Variants in HUWE1 observed in about 807,000 individuals in gnomAD.
HUWE1 encodes HECT, UBA and WWE domain containing E3 ubiquitin protein ligase 1.
HUWE1 carries 18 observed loss-of-function variants against 299.4 expected under a neutral mutation model. That is an observed-to-expected ratio of 0.06 (90% CI 0.04 to 0.09). The LOEUF (loss-of-function observed/expected upper bound fraction) is 0.09. Among genes scored for constraint, HUWE1 ranks in the 10% least tolerant of loss-of-function variants. HUWE1 has a pLI of 1.00. For synonymous variants in HUWE1, 1,317 were observed against 1,286.1 expected, an observed-to-expected ratio of 1.02 and a Z score of -0.51; for missense variants, 1,832 against 3,462.3, an observed-to-expected ratio of 0.53 and a Z score of 11.82.
intron 7 of HUWE1, among the ~76,000 whole-genome samples, chrX:53,638,498 A>G (rs1208038813): frequency 8.9e-6 from 1 of 112,283 alleles, no homozygotes; most frequent in Non-Finnish European, 1.9e-5. Context: ...ACTACCTCAC[A>G]CTAGACAGGA....
At chrX:53,625,014 C>T in intron 18 of HUWE1, 143 bp downstream of exon 18, 2 of 489,877 alleles carry the variant, frequency 4.1e-6, no homozygotes, top group Non-Finnish European at 7.3e-6. Flanking sequence ...AAAAGTGACA[C>T]AAAACAACTA....
At chrX:53,563,628 G>A (rs782541740) in intron 52 of HUWE1, 118 bp downstream of exon 52, 11 of 775,108 alleles carry the variant, frequency 1.4e-5, no homozygotes, top group Admixed American at 2.6e-5. Flanking sequence ...GACAAGCAGC[G>A]ATCTAGGCTG....
At chrX:53,646,776 G>A (rs1260353271) in intron 6 of HUWE1, among the ~76,000 whole-genome samples, 5 of 111,761 alleles carry the variant, frequency 4.5e-5, no homozygotes, top group African/African-American at 1.6e-4. Flanking sequence ...AAAATTAACA[G>A]GGCACCTAAC....
intron 53 of HUWE1, 106 bp from the exon 54 acceptor site, chrX:53,562,350 T>C (rs2062335295): frequency 4.9e-6 from 5 of 1,012,332 alleles, no homozygotes; most frequent in East Asian, 3.3e-5. Context: ...TCTGACTCTA[T>C]GAGAGGAAGA....
At chrX:53,539,231 A>G (rs1374988570) in intron 75 of HUWE1, 151 bp from the exon 76 acceptor site, 2 of 626,054 alleles carry the variant, frequency 3.2e-6, no homozygotes, top group Non-Finnish European at 4.8e-6. Context: ...CTATGATCCC[A>G]GCACTTTGGG....
intron 3 of HUWE1, among the ~76,000 whole-genome samples, chrX:53,661,128 G>A (rs1340649402): frequency 9.5e-6 from 1 of 105,679 alleles, no homozygotes; most frequent in Non-Finnish European, 1.9e-5. Context: ...TCCGCCTCCC[G>A]GGTTCACGCC....
At chrX:53,645,857 A>G (rs2067995870) in intron 6 of HUWE1, among the ~76,000 whole-genome samples, 1 of 105,863 alleles carries the variant, frequency 9.4e-6, no homozygotes, top group Non-Finnish European at 1.9e-5. Flanking sequence ...CAATAAAAGT[A>G]AAAAACGTAA....
rs1447514697 is a variant in HUWE1 at position 53,614,676 on chromosome X, C to A, written c.2119G>T (p.Ala707Ser). The A allele has an allele frequency of 8.3e-7, 1 of 1,206,712 alleles. No individual in the cohort carries two copies. Among genetic ancestry groups the A allele is most frequent in the Non-Finnish European group, 1.1e-6 (1 of 891,035 alleles). The change falls in exon 23 of 84, where the codon GCA becomes TCA. Residue 707 changes from alanine (A) to serine (S), a missense_variant. By Grantham distance (99) the Ala-to-Ser change is moderately conservative. Around this residue, in one of 15 missense-constraint regions of HUWE1, gnomAD observed 658 missense variants for 1,282.6 expected, o/e 0.51. Coordinates refer to ENST00000262854, the MANE Select transcript of HUWE1 (RefSeq NM_031407.7). ...YICQKPSIQK[A>S]DGTATAPPPR... ...GGAGGAGCAGTGGCAGTGCCATCTG[C>A]CTTCTGGATTGATGGCTTCTGACAG...
intron 3 of HUWE1, among the ~76,000 whole-genome samples, chrX:53,658,501 G>A (rs1427916918): frequency 1.2e-4 from 13 of 111,559 alleles, no homozygotes; most frequent in Non-Finnish European, 2.4e-4. Context: ...TACTGTACCG[G>A]TAAAAGAATG....
At chrX:53,573,593 C>T (rs1357700284) in intron 47 of HUWE1, among the ~76,000 whole-genome samples, 157 bp downstream of exon 47, 1 of 112,758 alleles carries the variant, frequency 8.9e-6, no homozygotes, top group African/African-American at 3.2e-5. Flanking sequence ...CAGGCGTGAG[C>T]CACCGCACCC....
chrX:53,676,464 G>T (rs976939966), intron 3 of HUWE1, among the ~76,000 whole-genome samples: 2 of 111,767 alleles, frequency 1.8e-5, no homozygotes, highest in African/African-American at 6.5e-5. Flanking sequence ...AGGCAGGCTA[G>T]GGAGGTTAAG....
At position 53,533,233 on chromosome X, in the gene HUWE1, T is replaced by C. The variant is rs1415591761; in HGVS notation, c.*76A>G. ...TTATTGGTTTTTGACAATTTCTTTCTGGTTCTTTTTTTAACTCCCCCCTCC... is the reference window on the plus strand; with the variant it reads ...TTATTGGTTTTTGACAATTTCTTTCCGGTTCTTTTTTTAACTCCCCCCTCC... On this transcript the variant is annotated 3_prime_UTR_variant, in exon 84 of 84. Coordinates refer to ENST00000262854, the MANE Select transcript of HUWE1 (RefSeq NM_031407.7). 1.6e-6 allele frequency: 1 copy of C among 630,544 alleles called. No homozygotes were observed. Among genetic ancestry groups the C allele is most frequent in the Admixed American group, 2.7e-5 (1 of 36,487 alleles). The allele number at this position is 630,544 out of a possible 1,213,427, so 52.0% of individuals were successfully genotyped here.
intron 29 of HUWE1, among the ~76,000 whole-genome samples, chrX:53,597,679 A>G (rs782088955): frequency 8.9e-4 from 76 of 85,333 alleles, no homozygotes; most frequent in African/African-American, 3.3e-3. Flanking sequence ...GGTGACCCAG[A>G]GCCCCATGAA....
At chrX:53,611,740 C>A (rs1490084252) in intron 23 of HUWE1, among the ~76,000 whole-genome samples, 4 of 109,556 alleles carry the variant, frequency 3.7e-5, no homozygotes, top group African/African-American at 1.3e-4. Flanking sequence ...TGTCTGTAAT[C>A]CCAGCTACTC....
In HUWE1 at chrX:53,648,549, A is replaced by C. The variant is rs376119121; in HGVS notation, c.46-239T>G. ...AAAAAACAAAAAAAAACAAAAAAAAACAAAAAACAAAACAAAAACCCACCT... is the reference window on the plus strand; with the variant it reads ...AAAAAACAAAAAAAAACAAAAAAAACCAAAAAACAAAACAAAAACCCACCT... On this transcript the variant is annotated intron_variant, in intron 4 of 83. Transcript: ENST00000262854. Among the ~76,000 whole-genome samples, 282 of 101,821 alleles carry C rather than the reference A, an allele frequency of 2.8e-3. 4 individuals are homozygous for C. The highest frequency in any genetic ancestry group is 0.012 in the African/African-American group (270 of 22,569). 88.4% of individuals were successfully genotyped at this position (101,821 alleles called of 115,157 possible).
chrX:53,547,253 G>C (rs2061577888), intron 68 of HUWE1, among the ~76,000 whole-genome samples: 1 of 111,962 alleles, frequency 8.9e-6, no homozygotes, highest in African/African-American at 3.2e-5. Context: ...GGATGATCTG[G>C]TTACTCTGAA....
At chrX:53,548,814 T>C (rs1286798685) in intron 67 of HUWE1, 145 bp downstream of exon 67, 6 of 523,162 alleles carry the variant, frequency 1.1e-5, no homozygotes, top group Admixed American at 6.6e-5. Flanking sequence ...CAGAAATATA[T>C]AGGACAATCC....
At chrX:53,539,599 G>T in intron 75 of HUWE1, 58 bp downstream of exon 75, 1 of 1,145,343 alleles carries the variant, frequency 8.7e-7, no homozygotes, top group South Asian at 1.8e-5. Context: ...CAAGCTGGCA[G>T]GAAGGGCCCC....
In HUWE1 at chrX:53,645,734, AAAATATATATATATATATATATATAT is replaced by A. The variant is rs1190960046; in HGVS notation, c.352-297_352-272del. Among the ~76,000 whole-genome samples, 161 of 18,186 alleles carry A rather than the reference AAAATATATATATATATATATATATAT, an allele frequency of 8.9e-3. 6 individuals carry two copies. Among genetic ancestry groups the A allele is most frequent in the African/African-American group, 0.022 (155 of 6,957 alleles). 15.8% of individuals were successfully genotyped at this position (18,186 alleles called of 115,157 possible). A position where few individuals can be genotyped will look rare whatever the true frequency, so the allele number is the denominator to read the frequency against. The stretch of plus-strand genomic sequence containing the variant: ...TCTCAAAAAAAGAAAAAAAAAAAAA[AAAATATATATATATATATATATATAT>A]ATATATATATATATATGTATTTGAT... On this transcript the variant is annotated intron_variant, in intron 6 of 83. Coordinates refer to ENST00000262854, the MANE Select transcript of HUWE1 (RefSeq NM_031407.7).
Sources: allele counts gnomAD v4.1 joint callset (sites outside exome capture counted in the v4.1 genomes callset), GRCh38; gene constraint gnomAD v4.1.1; regional missense constraint gnomAD v4.1.1; transcripts MANE v1.5; gene names NCBI Gene and HGNC (gene_info 2026-07-23, HGNC 2026-07-21).